NGLY1: variants seen among roughly 807,000 people sequenced by gnomAD.
The protein encoded by NGLY1 is N-glycanase 1.
Under a neutral mutation model 84.6 loss-of-function variants are expected in NGLY1, and 68 were observed. The observed-to-expected ratio is 0.80, with a 90% CI of 0.66 to 0.98. The LOEUF (loss-of-function observed/expected upper bound fraction) is 0.98, where lower values mean the gene tolerates loss of function less well. NGLY1 is among the 50% of genes least tolerant of loss of function. The probability of loss-of-function intolerance (pLI) is 0.00; values close to 1 mark genes in which losing one functional copy is unlikely to be tolerated. For synonymous variants in NGLY1, 280 were observed against 275.2 expected, an observed-to-expected ratio of 1.02 and a Z score of -0.17; for missense variants, 779 against 770.2, an observed-to-expected ratio of 1.01 and a Z score of -0.14.
chr3:25,751,271 G>GAAAA lies in NGLY1; in HGVS notation c.493-12_493-9dup. 1 of 1,179,800 alleles carries GAAAA rather than the reference G, an allele frequency of 8.5e-7. No individual in the cohort carries two copies. The highest frequency in any genetic ancestry group is 1.1e-6 in the Non-Finnish European group (1 of 886,446). The allele number at this position is 1,179,800 out of a possible 1,614,324, so 73.1% of individuals were successfully genotyped here. A position where few individuals can be genotyped will look rare whatever the true frequency, so the allele number is the denominator to read the frequency against. Reference sequence around the variant, plus strand: ...GGCTGAGTCAGCAGCAACCTAATAGGAAAAAAAAAAACTGAAATTAACTTT... The same window carrying GAAAA: ...GGCTGAGTCAGCAGCAACCTAATAGGAAAAAAAAAAAAAAACTGAAATTAACTTT... On this transcript the variant is annotated splice_polypyrimidine_tract_variant and intron_variant, in intron 3 of 11. Coordinates refer to ENST00000280700, the MANE Select transcript of NGLY1 (RefSeq NM_018297.4).
intron 1 of NGLY1, among the ~76,000 whole-genome samples, chr3:25,778,890 G>C (rs1286692649): frequency 2.3e-5 from 1 of 43,944 alleles, no homozygotes; most frequent in Non-Finnish European, 7.1e-5. Context: ...TTTTTTTTGA[G>C]ATGGGGGGGG....
At chr3:25,778,716 T>A in intron 1 of NGLY1, 28 bp from the exon 2 acceptor site, 2 of 1,422,530 alleles carry the variant, frequency 1.4e-6, no homozygotes, top group Non-Finnish European at 9.8e-7. Flanking sequence ...TTTGATTATA[T>A]ATAAAAAAAA....
In NGLY1 at chr3:25,732,532, A is replaced by C. The variant is rs370304224; in HGVS notation, c.1261-49T>G. 8 of 1,452,920 alleles carry C rather than the reference A, an allele frequency of 5.5e-6. No homozygotes were observed. In the African/African-American group the frequency reaches 1.1e-4, roughly 20 times the overall value. 90.0% of individuals were successfully genotyped at this position (1,452,920 alleles called of 1,614,324 possible). A position where few individuals can be genotyped will look rare whatever the true frequency, so the allele number is the denominator to read the frequency against. On this transcript the variant is annotated intron_variant, in intron 8 of 11. Coordinates refer to ENST00000280700, the MANE Select transcript of NGLY1 (RefSeq NM_018297.4). ...AGTTGTTAAGATTAGGGGAATGTAT[A>C]GGTCCATCTCTAAGCAAGAATATAC... is the stretch of plus-strand genomic sequence containing the variant.
rs551709893 is a variant in NGLY1, at chr3:25,736,440, A to G, written c.1004-291T>C. 247 of 1,480,166 alleles carry G rather than the reference A, an allele frequency of 1.7e-4. 1 individual carries two copies. In the South Asian group the frequency reaches 2.9e-3, roughly 17 times the overall value. The allele number at this position is 1,480,166 out of a possible 1,614,324, so 91.7% of individuals were successfully genotyped here. On this transcript the variant is annotated intron_variant, in intron 6 of 11. Transcript: ENST00000280700. ...CATATTAAAGAGCAGCATAAAAAATATCATCCTGAGTTTACTATCATGAAG... is the reference window on the plus strand; with the variant it reads ...CATATTAAAGAGCAGCATAAAAAATGTCATCCTGAGTTTACTATCATGAAG...
chr3:25,773,348 G>T (rs1707988328), intron 2 of NGLY1, among the ~76,000 whole-genome samples: 1 of 151,878 alleles, frequency 6.6e-6, no homozygotes, highest in Non-Finnish European at 1.5e-5. Flanking sequence ...TGTCTTTGTT[G>T]GATTGGGTTA....
intron 3 of NGLY1, among the ~76,000 whole-genome samples, chr3:25,759,329 A>G (rs1327806574): frequency 6.6e-6 from 1 of 152,160 alleles, no homozygotes; most frequent in African/African-American, 2.4e-5. Flanking sequence ...GAAAAAAAAA[A>G]AAAAGAAATG....
At chr3:25,755,610 A>C in intron 3 of NGLY1, 1 of 1,494,354 alleles carries the variant, frequency 6.7e-7, no homozygotes, top group Non-Finnish European at 9.3e-7. Context: ...TTCATCATAG[A>C]ACACAGCCAA....
chr3:25,751,774 A>G (rs1706762892), intron 3 of NGLY1, among the ~76,000 whole-genome samples: 1 of 152,266 alleles, frequency 6.6e-6, no homozygotes, highest in Non-Finnish European at 1.5e-5. Context: ...TAGGATCTAC[A>G]GAATAGGAAG....
intron 7 of NGLY1, 122 bp from the exon 8 acceptor site, chr3:25,734,104 T>C: frequency 7.3e-7 from 1 of 1,373,392 alleles, no homozygotes; most frequent in Non-Finnish European, 9.8e-7. Context: ...TCTCGCTCTG[T>C]TGTCCAGGCT....
intron 4 of NGLY1, among the ~76,000 whole-genome samples, chr3:25,744,584 A>G (rs9822551): frequency 0.72 from 108,979 of 152,110 alleles, 41,783 homozygotes; most frequent in East Asian, 0.94. Context: ...TGGTGGCCAT[A>G]TAATATCCAC....
chr3:25,726,953 T>C (rs1705294958), intron 10 of NGLY1, among the ~76,000 whole-genome samples: 1 of 152,186 alleles, frequency 6.6e-6, no homozygotes, highest in Non-Finnish European at 1.5e-5. Flanking sequence ...GATACCTCTT[T>C]GAGAGGTAAA....
At chr3:25,771,473 T>C (rs1240506877) in intron 2 of NGLY1, among the ~76,000 whole-genome samples, 5 of 152,206 alleles carry the variant, frequency 3.3e-5, no homozygotes, top group African/African-American at 1.2e-4. Context: ...TCAAGTAATG[T>C]GATTTCTCCA....
chr3:25,727,027 T>G (rs994811000), intron 10 of NGLY1, among the ~76,000 whole-genome samples: 2 of 152,160 alleles, frequency 1.3e-5, no homozygotes, highest in African/African-American at 4.8e-5. Flanking sequence ...GGTTGGAGAT[T>G]ACTGAGAAAA....
intron 4 of NGLY1, 57 bp from the exon 5 acceptor site, chr3:25,739,856 C>G: frequency 3.1e-6 from 4 of 1,277,824 alleles, no homozygotes; most frequent in Non-Finnish European, 4.4e-6. Flanking sequence ...TTAAACTATC[C>G]AAACATATTT....
At chr3:25,763,001 T>A (rs1218519732) in intron 3 of NGLY1, among the ~76,000 whole-genome samples, 2 of 152,040 alleles carry the variant, frequency 1.3e-5, no homozygotes, top group African/African-American at 4.8e-5. Context: ...GGTGCATGCC[T>A]TTATTTCCAG....
At chr3:25,772,846 G>A (rs1283926390) in intron 2 of NGLY1, among the ~76,000 whole-genome samples, 1 of 152,102 alleles carries the variant, frequency 6.6e-6, no homozygotes, top group Non-Finnish European at 1.5e-5. Flanking sequence ...AATTCTCTTG[G>A]CATTTGTTTG....
intron 4 of NGLY1, among the ~76,000 whole-genome samples, chr3:25,746,696 T>C (rs768877779): frequency 6.6e-6 from 1 of 152,212 alleles, no homozygotes; most frequent in Non-Finnish European, 1.5e-5. Flanking sequence ...ATGCTCTTTA[T>C]TGTAGATTTT....
chr3:25,730,155 G>C (rs1705468945), intron 9 of NGLY1: 1 of 151,744 alleles, frequency 6.6e-6, no homozygotes, highest in Non-Finnish European at 1.5e-5. Context: ...TTGCATTCTA[G>C]TCCAAAATAA....
At position 25,732,303 on chromosome 3, in the gene NGLY1, A is replaced by G. The variant is rs762647602; in HGVS notation, c.1425+16T>C. On this transcript the variant is annotated intron_variant, in intron 9 of 11. Coordinates refer to ENST00000280700, the MANE Select transcript of NGLY1 (RefSeq NM_018297.4). The stretch of plus-strand genomic sequence containing the variant: ...AGGAAAGTAAAAGGATCATCATGCT[A>G]GAATGAATTAAATACCTGTAGACCC... 1.2e-6 allele frequency: 2 copies of G among 1,611,442 alleles called. No homozygotes were observed. Among genetic ancestry groups the G allele is most frequent in the East Asian group, 2.2e-5 (1 of 44,844 alleles).
Sources: gnomAD v4.1 joint callset for allele counts (sites outside exome capture counted in the v4.1 genomes callset) on GRCh38, gnomAD v4.1.1 for gene constraint, MANE v1.5 for transcripts, NCBI Gene and HGNC (gene_info 2026-07-23, HGNC 2026-07-21) for gene names.